B3GNT3: variants seen among roughly 807,000 people sequenced by gnomAD.
The protein encoded by B3GNT3 is N-acetyllactosaminide beta-1,3-N-acetylglucosaminyltransferase 3.
B3GNT3 carries 7 observed loss-of-function variants against 11.6 expected under a neutral mutation model. The ratio of observed to expected loss-of-function variants is 0.60; its 90% CI spans 0.34 to 1.13. The LOEUF is 1.13. Ranked by LOEUF, B3GNT3 falls within the 50% of genes most tolerant of loss-of-function variation. B3GNT3 has a pLI of 0.03. For synonymous variants in B3GNT3, 201 were observed against 222.1 expected (o/e 0.90, Z 0.85); for missense variants, 400 against 507.4 (o/e 0.79, Z 2.03).
Position 17,813,042 on chromosome 19 carries a change from G to C in B3GNT3, c.*920G>C, listed in dbSNP as rs1390545614. On this transcript the variant is annotated 3_prime_UTR_variant, in exon 3 of 3. Transcript: ENST00000318683. The stretch of plus-strand genomic sequence containing the variant: ...AGTCAAGCTTCACAGGCATTGTGAT[G>C]GGGCAGCCTTGGGGAATATAAAATT... 1 of 152,036 alleles carries C rather than the reference G, an allele frequency of 6.6e-6. No homozygotes were observed. The highest frequency in any genetic ancestry group is 1.9e-4 in the East Asian group (1 of 5,192). 9.4% of individuals were successfully genotyped at this position (152,036 alleles called of 1,614,324 possible).
At chr19:17,809,134 A>C (rs942383983) in intron 2 of B3GNT3, among the ~76,000 whole-genome samples, 4 of 150,100 alleles carry the variant, frequency 2.7e-5, no homozygotes, top group African/African-American at 9.8e-5. Flanking sequence ...GCGCCCGGCC[A>C]ACATCTCCTT....
intron 1 of B3GNT3, among the ~76,000 whole-genome samples, chr19:17,799,888 C>G (rs2094164011): frequency 6.6e-6 from 1 of 152,086 alleles, no homozygotes; most frequent in South Asian, 2.1e-4. Context: ...GGGAGTTTCA[C>G]AGGGAGAATT....
intron 1 of B3GNT3, among the ~76,000 whole-genome samples, chr19:17,807,538 A>T (rs1189488896): frequency 6.6e-6 from 1 of 151,882 alleles, no homozygotes; most frequent in African/African-American, 2.4e-5. Flanking sequence ...TAAAAAATTT[A>T]AAAAATTAAT....
At position 17,807,960 on chromosome 19, in the gene B3GNT3, T is replaced by TCCTGCCCCC; in HGVS notation, c.155_156insTGCCCCCCC (p.Pro52_Pro53insAlaProPro). ...TCCCCGAGGCCCTGGCCTGGCCCAC[T>TCCTGCCCCC]CCACCCACCCGCCCAGCCCCGGCCC... On this transcript the variant is annotated inframe_insertion, in exon 2 of 3. Transcript: ENST00000318683. 2 of 1,609,550 alleles carry TCCTGCCCCC rather than the reference T, an allele frequency of 1.2e-6. No individual in the cohort carries two copies. The highest frequency in any genetic ancestry group is 1.7e-6 in the Non-Finnish European group (2 of 1,178,132).
intron 1 of B3GNT3, among the ~76,000 whole-genome samples, chr19:17,803,365 A>C (rs1321504022): frequency 1.3e-5 from 2 of 152,124 alleles, no homozygotes; most frequent in African/African-American, 4.8e-5. Flanking sequence ...TGTGTGGGAA[A>C]GATGGCAGCA....
intron 1 of B3GNT3, among the ~76,000 whole-genome samples, chr19:17,804,243 T>TC (rs1399989695): frequency 4.8e-5 from 7 of 146,380 alleles, no homozygotes; most frequent in Admixed American, 6.7e-5. Context: ...TTTTTTTCTT[T>TC]TTTTTTTTTT....
chr19:17,808,447 A>T lies in B3GNT3; in HGVS notation c.567+73A>T, dbSNP rs941898254. 1.5e-5 allele frequency: 21 copies of T among 1,442,052 alleles called. No homozygotes were observed. In the African/African-American group the frequency reaches 2.8e-4, roughly 19 times the overall value. 89.3% of individuals were successfully genotyped at this position (1,442,052 alleles called of 1,614,324 possible). On this transcript the variant is annotated intron_variant, in intron 2 of 2. Transcript: ENST00000318683. ...CCAAATTACCACCCACTCCTGAGGG[A>T]CCCAGGGGACCAGAAGTCCTCGTCA... is the stretch of plus-strand genomic sequence containing the variant.
chr19:17,802,192 C>A (rs2094167122), intron 1 of B3GNT3, among the ~76,000 whole-genome samples: 1 of 151,838 alleles, frequency 6.6e-6, no homozygotes, highest in African/African-American at 2.4e-5. Flanking sequence ...CCTCCTAAAG[C>A]ACTGGGATTA....
At chr19:17,795,343 C>CCGAGTCT (rs2094158262) in intron 1 of B3GNT3, 137 bp downstream of exon 1, 1 of 152,196 alleles carries the variant, frequency 6.6e-6, no homozygotes, top group African/African-American at 2.4e-5. Flanking sequence ...TTCGGGAGCC[C>CCGAGTCT]CGAGTCTCGA....
Position 17,805,628 on chromosome 19 carries a change from C to T in B3GNT3, c.-50-2130C>T, listed in dbSNP as rs187121445. 7.2e-5 allele frequency among the ~76,000 whole-genome samples: 11 copies of T among 152,238 alleles called. No individual in the cohort carries two copies. The East Asian group carries it at 2.1e-3, about 29-fold the overall frequency. On this transcript the variant is annotated intron_variant, in intron 1 of 2. Transcript: ENST00000318683. ...GCCACCAGCACCCTAAATTTGTATC[C>T]ATCTCAGGGCCTTTGCACATGCTCC... is the stretch of plus-strand genomic sequence containing the variant.
chr19:17,801,183 T>C (rs1445788583), intron 1 of B3GNT3, among the ~76,000 whole-genome samples: 1 of 152,002 alleles, frequency 6.6e-6, no homozygotes, highest in African/African-American at 2.4e-5. Context: ...TGCAGCACTT[T>C]TTTTGTTTGT....
intron 1 of B3GNT3, among the ~76,000 whole-genome samples, chr19:17,800,002 G>A (rs1467463117): frequency 6.6e-6 from 1 of 152,086 alleles, no homozygotes; most frequent in African/African-American, 2.4e-5. Context: ...GAGTGAGGGG[G>A]GCAGATCTAG....
rs1400499646 is a variant in B3GNT3 at position 17,812,016 on chromosome 19, G to A, written c.1013G>A (p.Arg338Gln). 3.1e-6 allele frequency: 5 copies of A among 1,600,168 alleles called. No homozygotes were observed. The highest frequency in any genetic ancestry group is 1.3e-5 in the African/African-American group (1 of 74,924). The change falls in exon 3 of 3, where the codon CGA becomes CAA. Residue 338 changes from arginine (R) to glutamine (Q), a missense_variant. Coordinates refer to ENST00000318683, the MANE Select transcript of B3GNT3 (RefSeq NM_014256.4). Reference sequence around the variant, plus strand: ...TCCTCCTTTGACCCCTGCTTCTACCGAGACCTGCTGCTGGTGCACCGCTTC... The same window carrying A: ...TCCTCCTTTGACCCCTGCTTCTACCAAGACCTGCTGCTGGTGCACCGCTTC... ...RLSSFDPCFYRDLLLVHRFLP... is the reference protein window; with the variant it reads ...RLSSFDPCFYQDLLLVHRFLP...
At chr19:17,800,724 T>C in intron 1 of B3GNT3, among the ~76,000 whole-genome samples, 1 of 152,072 alleles carries the variant, frequency 6.6e-6, no homozygotes, top group East Asian at 1.9e-4. Context: ...CCCAGCACTT[T>C]GGGAGGCTGA....
chr19:17,803,708 A>C (rs1306730998), intron 1 of B3GNT3, among the ~76,000 whole-genome samples: 1 of 152,034 alleles, frequency 6.6e-6, no homozygotes, highest in Non-Finnish European at 1.5e-5. Context: ...TGTTGGCACC[A>C]GGCATGGTGA....
intron 1 of B3GNT3, among the ~76,000 whole-genome samples, chr19:17,796,901 C>T (rs144747608): frequency 5.4e-4 from 82 of 152,252 alleles, no homozygotes; most frequent in Admixed American, 9.2e-4. Flanking sequence ...TTGCTCACTC[C>T]CCCAACCCCA....
At position 17,812,646 on chromosome 19, in the gene B3GNT3, G is replaced by A. The variant is rs1201051124; in HGVS notation, c.*524G>A. ...GGTCTCAGACAACTCAGAAGGTTGGGGGGATACCAGAGAGGTGGTGGAATA... is the reference window on the plus strand; with the variant it reads ...GGTCTCAGACAACTCAGAAGGTTGGAGGGATACCAGAGAGGTGGTGGAATA... On this transcript the variant is annotated 3_prime_UTR_variant, in exon 3 of 3. Transcript: ENST00000318683. The A allele has an allele frequency of 1.3e-5, 2 of 154,542 alleles. No homozygotes were observed. Among genetic ancestry groups the A allele is most frequent in the Admixed American group, 6.4e-5 (1 of 15,692 alleles). 9.6% of individuals were successfully genotyped at this position (154,542 alleles called of 1,614,324 possible). A position where few individuals can be genotyped will look rare whatever the true frequency, so the allele number is the denominator to read the frequency against.
rs76142682 is a variant in B3GNT3 at position 17,807,715 on chromosome 19, G to A, written c.-50-43G>A. 5.6e-6 allele frequency: 7 copies of A among 1,254,854 alleles called. No individual in the cohort carries two copies. In the Admixed American group the frequency reaches 9.9e-5, roughly 18 times the overall value. 77.7% of individuals were successfully genotyped at this position (1,254,854 alleles called of 1,614,324 possible). On this transcript the variant is annotated intron_variant, in intron 1 of 2. Transcript: ENST00000318683. ...AGATGTTGGGGGCCACAGGAAAAGC[G>A]CTTTGCTCATGGCGAGTGTTCAGTG... is the stretch of plus-strand genomic sequence containing the variant.
At chr19:17,803,479 G>T (rs1440061904) in intron 1 of B3GNT3, among the ~76,000 whole-genome samples, 1 of 152,174 alleles carries the variant, frequency 6.6e-6, no homozygotes, top group Non-Finnish European at 1.5e-5. Flanking sequence ...GGTTCTGGAG[G>T]ATGGCAAAAT....
Sources: gnomAD v4.1 joint callset for allele counts (sites outside exome capture counted in the v4.1 genomes callset) on GRCh38, gnomAD v4.1.1 for gene constraint, MANE v1.5 for transcripts, NCBI Gene and HGNC (gene_info 2026-07-23, HGNC 2026-07-21) for gene names.